COBL: variants seen among roughly 807,000 people sequenced by gnomAD.
COBL encodes protein cordon-bleu.
COBL carries 51 observed loss-of-function variants against 98.8 expected under a neutral mutation model. That is an observed-to-expected ratio of 0.52 (90% CI 0.41 to 0.65). COBL has a LOEUF of 0.65. Ranked by LOEUF, COBL falls within the 30% of genes least tolerant of loss-of-function variation. COBL has a pLI of 0.00. For synonymous variants in COBL, 634 were observed against 651.7 expected, an observed-to-expected ratio of 0.97 and a Z score of 0.41; for missense variants, 1,617 against 1,617.5, an observed-to-expected ratio of 1.00 and a Z score of 0.01.
intron 6 of COBL, among the ~76,000 whole-genome samples, chr7:51,105,291 A>G (rs1227413526): frequency 6.6e-6 from 1 of 152,138 alleles, no homozygotes; most frequent in Non-Finnish European, 1.5e-5. Flanking sequence ...AGTCAGTACC[A>G]CCCTACAGAA....
At chr7:51,110,822 A>G (rs1181969662) in intron 6 of COBL, among the ~76,000 whole-genome samples, 2 of 152,222 alleles carry the variant, frequency 1.3e-5, no homozygotes, top group African/African-American at 4.8e-5. Context: ...TTCACTTACA[A>G]TCATAGTCTC....
At position 51,113,978 on chromosome 7, in the gene COBL, C is replaced by T. The variant is rs116640295; in HGVS notation, c.957+22180G>A. Among the ~76,000 whole-genome samples, 48 of 152,262 alleles carry T rather than the reference C, an allele frequency of 3.2e-4. No individual in the cohort carries two copies. In the South Asian group the frequency reaches 7.9e-3, roughly 25 times the overall value. ...CCAAATGGTGGCCTTGGGAAATGTG[C>T]GTGTTTTCTAGGTTATTCCGTGTGA... On this transcript the variant is annotated intron_variant, in intron 6 of 12. Transcript: ENST00000265136.
intron 5 of COBL, among the ~76,000 whole-genome samples, chr7:51,159,096 G>C (rs936266128): frequency 6.6e-6 from 1 of 152,180 alleles, no homozygotes; most frequent in African/African-American, 2.4e-5. Context: ...GAGGAGGGCA[G>C]CGGGGGCGGC....
intron 7 of COBL, among the ~76,000 whole-genome samples, chr7:51,079,323 G>C (rs1793402207): frequency 6.6e-6 from 1 of 152,078 alleles, no homozygotes; most frequent in Non-Finnish European, 1.5e-5. Context: ...TAAAATGCTG[G>C]GTACTAGATG....
chr7:51,091,100 G>C lies in COBL; in HGVS notation c.958-5796C>G, dbSNP rs577062023. 7.9e-5 allele frequency among the ~76,000 whole-genome samples: 12 copies of C among 152,254 alleles called. No homozygotes were observed. In the South Asian group the frequency reaches 2.5e-3, roughly 32 times the overall value. On this transcript the variant is annotated intron_variant, in intron 6 of 12. Transcript: ENST00000265136. ...AAAGGCTGGAAGAGGTGGCTATTTT[G>C]TCAAATGCACAAATTACATTAAAAA...
intron 2 of COBL, among the ~76,000 whole-genome samples, chr7:51,213,526 G>A (rs1276859296): frequency 2.6e-5 from 4 of 152,106 alleles, no homozygotes; most frequent in African/African-American, 9.7e-5. Context: ...CTGCACTACA[G>A]GCAGTTCGTG....
At chr7:51,316,487 T>A (rs990646505) in intron 1 of COBL, 106 bp downstream of exon 1, 22 of 832,900 alleles carry the variant, frequency 2.6e-5, no homozygotes, top group Non-Finnish European at 3.3e-5. Context: ...CAGCACCCGC[T>A]GGGGCGGCAG....
chr7:51,171,830 T>C (rs1787901244), intron 5 of COBL, among the ~76,000 whole-genome samples: 1 of 152,194 alleles, frequency 6.6e-6, no homozygotes, highest in Admixed American at 6.5e-5. Context: ...AAATTTTACA[T>C]GGGGACTGAC....
chr7:51,105,239 G>A (rs1429894196), intron 6 of COBL, among the ~76,000 whole-genome samples: 1 of 152,154 alleles, frequency 6.6e-6, no homozygotes, highest in Admixed American at 6.5e-5. Context: ...GTGTCTCCGA[G>A]CCCATTCTTT....
chr7:51,279,644 C>G (rs181431646), intron 1 of COBL, among the ~76,000 whole-genome samples: 4 of 152,314 alleles, frequency 2.6e-5, no homozygotes, highest in Admixed American at 2.6e-4. Context: ...TATCACCCAG[C>G]GTCCACAACC....
At chr7:51,063,669 T>C (rs1319864267) in intron 7 of COBL, among the ~76,000 whole-genome samples, 2 of 152,222 alleles carry the variant, frequency 1.3e-5, no homozygotes, top group Non-Finnish European at 2.9e-5. Context: ...AAGAAGCAGC[T>C]AGTATGCATC....
At chr7:51,255,329 T>G (rs1431215173) in intron 1 of COBL, among the ~76,000 whole-genome samples, 7 of 152,172 alleles carry the variant, frequency 4.6e-5, no homozygotes, top group Non-Finnish European at 1.0e-4. Flanking sequence ...GTGTGACTCT[T>G]AAGATTCATT....
chr7:51,213,699 T>C (rs1004221437), intron 2 of COBL, among the ~76,000 whole-genome samples: 2 of 152,098 alleles, frequency 1.3e-5, no homozygotes, highest in African/African-American at 2.4e-5. Flanking sequence ...GCCTGTCAAC[T>C]GAGGTGAGTA....
At chr7:51,121,463 C>T (rs548201850) in intron 6 of COBL, among the ~76,000 whole-genome samples, 10 of 152,166 alleles carry the variant, frequency 6.6e-5, no homozygotes, top group Non-Finnish European at 1.5e-4. Context: ...CTGCGGGTTG[C>T]CTTTTTAATC....
chr7:51,272,867 G>A (rs189260395), intron 1 of COBL, among the ~76,000 whole-genome samples: 51 of 152,156 alleles, frequency 3.4e-4, no homozygotes, highest in Admixed American at 1.6e-3. Context: ...CTTATCTGCA[G>A]GTAAAGACAA....
intron 2 of COBL, among the ~76,000 whole-genome samples, chr7:51,198,807 G>GA (rs936884578): frequency 2.6e-5 from 4 of 152,172 alleles, no homozygotes; most frequent in Non-Finnish European, 5.9e-5. Flanking sequence ...TACCCCAACA[G>GA]AAAAAAATGA....
chr7:51,178,066 A>C (rs1331478095), intron 5 of COBL, among the ~76,000 whole-genome samples: 1 of 152,042 alleles, frequency 6.6e-6, no homozygotes, highest in Non-Finnish European at 1.5e-5. Flanking sequence ...GAATCACTTG[A>C]ATCTGGGATA....
chr7:51,117,649 G>A (rs973308482), intron 6 of COBL, among the ~76,000 whole-genome samples: 24 of 152,134 alleles, frequency 1.6e-4, no homozygotes, highest in African/African-American at 4.3e-4. Context: ...ACAAGCAGTC[G>A]TAAAATTCTT....
intron 6 of COBL, among the ~76,000 whole-genome samples, chr7:51,131,706 G>A (rs143906195): frequency 0.011 from 1,652 of 151,322 alleles, 27 homozygotes; most frequent in African/African-American, 0.038. Context: ...TGATTCTCCC[G>A]CCTCAGCCTC....
Sources: allele counts gnomAD v4.1 joint callset (sites outside exome capture counted in the v4.1 genomes callset), GRCh38; gene constraint gnomAD v4.1.1; transcripts MANE v1.5; gene names NCBI Gene and HGNC (gene_info 2026-07-23, HGNC 2026-07-21).